Variants in EPHA3 observed in about 807,000 individuals in gnomAD.
EPHA3 encodes the protein ephrin type-A receptor 3.
Under a neutral mutation model 107.1 loss-of-function variants are expected in EPHA3, and 42 were observed. The ratio of observed to expected loss-of-function variants is 0.39; its 90% CI spans 0.31 to 0.51. EPHA3 has a LOEUF of 0.51. EPHA3 is among the 20% of genes least tolerant of loss of function. EPHA3 has a pLI of 0.78. For synonymous variants in EPHA3, 461 were observed against 424.8 expected (o/e 1.09, Z -1.05); for missense variants, 1,183 against 1,211.2 (o/e 0.98, Z 0.35).
At position 89,482,053 on chromosome 3, in the gene EPHA3, C is replaced by A. The variant is rs142920086; in HGVS notation, c.*2551C>A. 7.6e-4 allele frequency: 167 copies of A among 219,216 alleles called. No homozygotes were observed. The highest frequency in any genetic ancestry group is 7.4e-3 in the East Asian group (109 of 14,798). The allele number at this position is 219,216 out of a possible 1,614,324, so 13.6% of individuals were successfully genotyped here. On this transcript the variant is annotated 3_prime_UTR_variant, in exon 17 of 17. Coordinates refer to ENST00000336596, the MANE Select transcript of EPHA3 (RefSeq NM_005233.6). The stretch of plus-strand genomic sequence containing the variant: ...TTATGTTGTACAATGTAGATGGCCT[C>A]TTACTAATGTAAAATGATTTGTAGT...
chr3:89,108,539 T>G (rs1326679944), intron 1 of EPHA3, among the ~76,000 whole-genome samples: 1 of 152,208 alleles, frequency 6.6e-6, no homozygotes, highest in Non-Finnish European at 1.5e-5. Flanking sequence ...GAATAGTGGA[T>G]AGCTCCTGGG....
intron 3 of EPHA3, among the ~76,000 whole-genome samples, chr3:89,250,285 T>C (rs1332469838): frequency 3.3e-5 from 5 of 152,234 alleles, no homozygotes; most frequent in Admixed American, 2.6e-4. Context: ...ATGGAAACTT[T>C]ATCAACAAAT....
At chr3:89,263,012 A>G (rs1022578393) in intron 3 of EPHA3, among the ~76,000 whole-genome samples, 56 of 127,658 alleles carry the variant, frequency 4.4e-4, no homozygotes, top group Non-Finnish European at 1.3e-4. Flanking sequence ...AAGTTCTCGG[A>G]TACATGTGCA....
chr3:89,200,210 A>T (rs888092760), intron 2 of EPHA3, among the ~76,000 whole-genome samples: 1 of 152,202 alleles, frequency 6.6e-6, no homozygotes, highest in Non-Finnish European at 1.5e-5. Flanking sequence ...TACATTGGAC[A>T]TTATTTCACA....
chr3:89,409,091 A>G (rs562277839), intron 9 of EPHA3, among the ~76,000 whole-genome samples: 4 of 152,218 alleles, frequency 2.6e-5, no homozygotes, highest in Non-Finnish European at 4.4e-5. Context: ...TGCCTTTCAA[A>G]ATATAAATTG....
intron 2 of EPHA3, among the ~76,000 whole-genome samples, chr3:89,170,893 T>C (rs976001899): frequency 3.3e-5 from 5 of 152,006 alleles, no homozygotes; most frequent in African/African-American, 1.2e-4. Flanking sequence ...GATCGTTAAA[T>C]AGAAGATGTT....
At chr3:89,429,051 A>G in intron 11 of EPHA3, 55 bp from the exon 12 acceptor site, 2 of 1,219,018 alleles carry the variant, frequency 1.6e-6, no homozygotes, top group Admixed American at 1.8e-5. Flanking sequence ...ATATATGTTC[A>G]TTGTATAATA....
intron 2 of EPHA3, among the ~76,000 whole-genome samples, chr3:89,136,354 T>TTTTTTTTTTTTTTA (rs1704314681): frequency 7.7e-6 from 1 of 130,458 alleles, no homozygotes. Context: ...TTTTTTTTTT[T>TTTTTTTTTTTTTTA]GACCCTTTCC....
At chr3:89,221,033 G>A (rs1238298401) in intron 3 of EPHA3, among the ~76,000 whole-genome samples, 1 of 152,188 alleles carries the variant, frequency 6.6e-6, no homozygotes, top group Admixed American at 6.5e-5. Flanking sequence ...CAATTAGTAA[G>A]TGGTTCAACT....
chr3:89,119,554 G>A (rs1707332420), intron 1 of EPHA3, among the ~76,000 whole-genome samples: 1 of 152,094 alleles, frequency 6.6e-6, no homozygotes, highest in Non-Finnish European at 1.5e-5. Context: ...TTGTTCGTGT[G>A]TGTGTGCCTG....
At chr3:89,336,769 C>T (rs1707401171) in intron 3 of EPHA3, among the ~76,000 whole-genome samples, 1 of 152,052 alleles carries the variant, frequency 6.6e-6, no homozygotes, top group Non-Finnish European at 1.5e-5. Context: ...GATAGCAAAT[C>T]CTAGAGAAAG....
chr3:89,397,576 T>C (rs966671779), intron 6 of EPHA3, among the ~76,000 whole-genome samples: 2 of 151,362 alleles, frequency 1.3e-5, no homozygotes, highest in African/African-American at 2.4e-5. Flanking sequence ...ACAAGCATCA[T>C]TGCCTTTTTT....
intron 3 of EPHA3, among the ~76,000 whole-genome samples, chr3:89,293,402 G>C (rs970206004): frequency 6.6e-5 from 10 of 152,144 alleles, no homozygotes; most frequent in Non-Finnish European, 1.2e-4. Flanking sequence ...TGCTTTTGCT[G>C]TTATACCTTT....
chr3:89,318,591 C>T (rs1706965882), intron 3 of EPHA3, among the ~76,000 whole-genome samples: 1 of 151,830 alleles, frequency 6.6e-6, no homozygotes, highest in Non-Finnish European at 1.5e-5. Flanking sequence ...AGACGGCCGG[C>T]CAGCTTGATA....
intron 2 of EPHA3, among the ~76,000 whole-genome samples, chr3:89,153,786 G>T (rs1363241505): frequency 6.6e-6 from 1 of 151,884 alleles, no homozygotes. Flanking sequence ...TCACTCCTTT[G>T]CTGATGATCC....
intron 1 of EPHA3, among the ~76,000 whole-genome samples, chr3:89,112,004 T>C (rs1163223594): frequency 6.6e-6 from 1 of 152,072 alleles, no homozygotes; most frequent in African/African-American, 2.4e-5. Flanking sequence ...CTGTAGTTGA[T>C]AGGGTTTTCT....
intron 5 of EPHA3, among the ~76,000 whole-genome samples, chr3:89,354,700 C>T (rs897440968): frequency 1.3e-5 from 2 of 151,100 alleles, no homozygotes; most frequent in African/African-American, 4.8e-5. Flanking sequence ...GCTGACCTAA[C>T]TCTTCTTGAC....
At chr3:89,314,151 T>C (rs1381217880) in intron 3 of EPHA3, among the ~76,000 whole-genome samples, 1 of 151,946 alleles carries the variant, frequency 6.6e-6, no homozygotes, top group East Asian at 1.9e-4. Context: ...GAGAGGTCAA[T>C]TTCACTATCT....
intron 3 of EPHA3, among the ~76,000 whole-genome samples, chr3:89,321,344 C>T (rs1707040492): frequency 6.6e-6 from 1 of 151,844 alleles, no homozygotes; most frequent in Admixed American, 6.6e-5. Context: ...CTGCTGCCTC[C>T]TAGTCTGAAG....
Sources: allele counts gnomAD v4.1 joint callset (sites outside exome capture counted in the v4.1 genomes callset), GRCh38; gene constraint gnomAD v4.1.1; transcripts MANE v1.5; gene names NCBI Gene and HGNC (gene_info 2026-07-23, HGNC 2026-07-21).